Variants in EPB41L4A observed in about 807,000 individuals in gnomAD.
EPB41L4A encodes the protein erythrocyte membrane protein band 4.1 like 4A, also known as band 4.1-like protein 4A.
A neutral mutation model predicts 108.6 loss-of-function variants in EPB41L4A; 100 were observed. That is an observed-to-expected ratio of 0.92 (90% CI 0.78 to 1.09). The LOEUF (loss-of-function observed/expected upper bound fraction) is 1.09, where lower values mean the gene tolerates loss of function less well. Among genes scored for constraint, EPB41L4A ranks in the 50% least tolerant of loss-of-function variants. EPB41L4A has a pLI of 0.00. For synonymous variants in EPB41L4A, 319 were observed against 289.0 expected (o/e 1.10, Z -1.05); for missense variants, 1,030 against 842.7 (o/e 1.22, Z -2.75).
At chr5:112,249,502 G>A (rs896527785) in intron 9 of EPB41L4A, 2 of 152,122 alleles carry the variant, frequency 1.3e-5, no homozygotes, top group Non-Finnish European at 2.9e-5. Flanking sequence ...ACTGACTATA[G>A]TTTTAAAAAT....
intron 1 of EPB41L4A, among the ~76,000 whole-genome samples, chr5:112,385,507 CAAAAAAAA>C (rs201988960): frequency 9.3e-5 from 7 of 75,546 alleles, no homozygotes; most frequent in African/African-American, 1.8e-4. Context: ...TGGTTATTTT[CAAAAAAAA>C]AAAAAAAAAA....
At chr5:112,398,305 T>C (rs1036871731) in intron 1 of EPB41L4A, among the ~76,000 whole-genome samples, 1 of 152,254 alleles carries the variant, frequency 6.6e-6, no homozygotes, top group African/African-American at 2.4e-5. Context: ...ATCTCTATCC[T>C]GGCAGTTAGT....
At chr5:112,239,761 C>A in intron 10 of EPB41L4A, 24 bp from the exon 11 acceptor site, 1 of 1,546,270 alleles carries the variant, frequency 6.5e-7, no homozygotes, top group Non-Finnish European at 8.9e-7. Context: ...AAAAGAAAAT[C>A]AGACAAAGAC....
intron 1 of EPB41L4A, chr5:112,363,418 C>CCAAA: frequency 1.1e-5 from 1 of 94,934 alleles, no homozygotes; most frequent in Admixed American, 1.1e-4. Flanking sequence ...CTTGACTCTA[C>CCAAA]AAAAAAAAAA....
chr5:112,238,672 T>C (rs1437607888), intron 11 of EPB41L4A, among the ~76,000 whole-genome samples: 1 of 152,174 alleles, frequency 6.6e-6, no homozygotes, highest in Admixed American at 6.5e-5. Context: ...TCTGTGACAC[T>C]AGGTGGCATC....
At chr5:112,202,176 G>A (rs1005633657) in intron 15 of EPB41L4A, among the ~76,000 whole-genome samples, 5 of 152,146 alleles carry the variant, frequency 3.3e-5, no homozygotes, top group African/African-American at 1.2e-4. Context: ...GGGGTTCTTT[G>A]TTCGGCTACA....
rs766204333 is a variant in EPB41L4A at position 112,239,744 on chromosome 5, A to C, written c.888-7T>G. On this transcript the variant is annotated splice_region_variant and splice_polypyrimidine_tract_variant and intron_variant, in intron 10 of 22. Coordinates refer to ENST00000261486, the MANE Select transcript of EPB41L4A (RefSeq NM_022140.5). ...GGATTCATTTTCTGGCATTCTAATC[A>C]ATTTTTAAAAGAAAATCAGACAAAG... 1 of 1,597,254 alleles carries C rather than the reference A, an allele frequency of 6.3e-7. No individual in the cohort carries two copies. The highest frequency in any genetic ancestry group is 1.1e-5 in the South Asian group (1 of 89,274).
intron 1 of EPB41L4A, among the ~76,000 whole-genome samples, chr5:112,348,167 T>C (rs2162739): frequency 0.44 from 66,662 of 151,978 alleles, 15,741 homozygotes; most frequent in South Asian, 0.6. Flanking sequence ...ATCCTCACTC[T>C]ATAGTCTCTG....
At chr5:112,323,050 G>A (rs1457023282) in intron 1 of EPB41L4A, among the ~76,000 whole-genome samples, 1 of 151,994 alleles carries the variant, frequency 6.6e-6, no homozygotes, top group Non-Finnish European at 1.5e-5. Context: ...GATGAAAAAA[G>A]TATAGTCGTT....
chr5:112,196,754 C>T (rs976961187), intron 15 of EPB41L4A: 5 of 152,236 alleles, frequency 3.3e-5, no homozygotes, highest in African/African-American at 9.7e-5. Context: ...CACACAAAAG[C>T]GGTGTATTAC....
At chr5:112,143,286 T>C (rs1048138355) in exon 14 of EPB41L4A, 2 of 152,188 alleles carry the variant, frequency 1.3e-5, no homozygotes, top group East Asian at 3.8e-4. Context: ...AGGTACTACA[T>C]AGGTTGTTGT....
intron 17 of EPB41L4A, among the ~76,000 whole-genome samples, chr5:112,187,424 T>C (rs1312417138): frequency 1.3e-5 from 2 of 152,258 alleles, no homozygotes; most frequent in Non-Finnish European, 2.9e-5. Flanking sequence ...ATTCTAACCA[T>C]GTTTCAGAAC....
chr5:112,156,537 G>C (rs1190127698), intron 12 of EPB41L4A, among the ~76,000 whole-genome samples: 11 of 152,120 alleles, frequency 7.2e-5, no homozygotes, highest in Non-Finnish European at 1.6e-4. Context: ...ATTAAGTGAT[G>C]CCACCCACAT....
chr5:112,390,785 A>G (rs1760884395), intron 1 of EPB41L4A, among the ~76,000 whole-genome samples: 1 of 151,864 alleles, frequency 6.6e-6, no homozygotes, highest in South Asian at 2.1e-4. Flanking sequence ...ACTGGGAGAC[A>G]CCTCCCAGTA....
At chr5:112,271,607 T>C (rs10059647) in intron 4 of EPB41L4A, among the ~76,000 whole-genome samples, 1 of 152,024 alleles carries the variant, frequency 6.6e-6, no homozygotes, top group Non-Finnish European at 1.5e-5. Context: ...AACAAATGTA[T>C]GTATTATACT....
intron 1 of EPB41L4A, among the ~76,000 whole-genome samples, chr5:112,329,987 C>T (rs1756449333): frequency 6.6e-6 from 1 of 152,162 alleles, no homozygotes; most frequent in South Asian, 2.1e-4. Context: ...ATTTGCAAAA[C>T]AAATTAATAA....
At chr5:112,394,468 C>T (rs1304167026) in intron 1 of EPB41L4A, among the ~76,000 whole-genome samples, 7 of 152,136 alleles carry the variant, frequency 4.6e-5, no homozygotes, top group South Asian at 2.1e-4. Context: ...AGAGCCAAAT[C>T]ATGAGTGCAC....
Position 112,357,624 on chromosome 5 carries a change from T to A in EPB41L4A, c.100-50134A>T, listed in dbSNP as rs376151084. ...TCTCCAATAATGAGCATCCCTCAAATGTGAAATCATCCCAACAGAACTGTA... is the reference window on the plus strand; with the variant it reads ...TCTCCAATAATGAGCATCCCTCAAAAGTGAAATCATCCCAACAGAACTGTA... On this transcript the variant is annotated intron_variant, in intron 1 of 22. Transcript: ENST00000261486. 2.0e-5 allele frequency among the ~76,000 whole-genome samples: 3 copies of A among 152,158 alleles called. No homozygotes were observed. In the East Asian group the frequency reaches 5.8e-4, roughly 29 times the overall value.
chr5:112,347,222 A>G (rs2150719533), intron 1 of EPB41L4A, among the ~76,000 whole-genome samples: 1 of 152,364 alleles, frequency 6.6e-6, no homozygotes, highest in Non-Finnish European at 1.5e-5. Context: ...AATGTGATCC[A>G]TTAGGGGATC....
Sources: gnomAD v4.1 joint callset for allele counts (sites outside exome capture counted in the v4.1 genomes callset) on GRCh38, gnomAD v4.1.1 for gene constraint, MANE v1.5 for transcripts, NCBI Gene and HGNC (gene_info 2026-07-23, HGNC 2026-07-21) for gene names.